RCSD1: variants seen among roughly 807,000 people sequenced by gnomAD.
The protein encoded by RCSD1 is capZ-interacting protein.
RCSD1 carries 26 observed loss-of-function variants against 42.5 expected under a neutral mutation model. That is an observed-to-expected ratio of 0.61 (90% CI 0.45 to 0.85). The LOEUF (loss-of-function observed/expected upper bound fraction) is 0.85, where lower values mean the gene tolerates loss of function less well. Among genes scored for constraint, RCSD1 ranks in the 40% least tolerant of loss-of-function variants. RCSD1 has a pLI of 0.00. For missense variants in RCSD1, 571 were observed against 528.3 expected, an observed-to-expected ratio of 1.08 and a Z score of -0.79; for synonymous variants, 220 against 212.2, an observed-to-expected ratio of 1.04 and a Z score of -0.32.
At chr1:167,681,716 T>C (rs897757632) in intron 1 of RCSD1, among the ~76,000 whole-genome samples, 1 of 152,192 alleles carries the variant, frequency 6.6e-6, no homozygotes, top group African/African-American at 2.4e-5. Flanking sequence ...CAAGCATAAA[T>C]AGCAGGGGAC....
intron 1 of RCSD1, among the ~76,000 whole-genome samples, chr1:167,638,051 T>C (rs1657905629): frequency 1.3e-5 from 2 of 152,178 alleles, no homozygotes; most frequent in African/African-American, 4.8e-5. Flanking sequence ...GCTTTGGGCC[T>C]CCTCTGAGCC....
chr1:167,680,999 T>C (rs75441376), intron 1 of RCSD1, among the ~76,000 whole-genome samples: 3,649 of 152,218 alleles, frequency 0.024, 159 homozygotes, highest in African/African-American at 0.084. Flanking sequence ...CTGAGCACAC[T>C]GGAGAGGGGT....
At chr1:167,678,600 C>A (rs1381292659) in intron 1 of RCSD1, among the ~76,000 whole-genome samples, 1 of 152,206 alleles carries the variant, frequency 6.6e-6, no homozygotes, top group East Asian at 1.9e-4. Context: ...GGACCGCTGC[C>A]AGCACCTGCC....
At chr1:167,633,870 G>C (rs986147045) in intron 1 of RCSD1, 1 of 152,196 alleles carries the variant, frequency 6.6e-6, no homozygotes, top group Non-Finnish European at 1.5e-5. Context: ...GAATGGAGAA[G>C]ATGGAAAAGA....
At chr1:167,643,490 G>C (rs1658057673) in intron 1 of RCSD1, among the ~76,000 whole-genome samples, 1 of 152,214 alleles carries the variant, frequency 6.6e-6, no homozygotes, top group South Asian at 2.1e-4. Context: ...TAAACTGTAA[G>C]CTCTGCAAAT....
chr1:167,642,306 G>GGAAAGCCGAGGGA (rs1658025518), intron 1 of RCSD1, among the ~76,000 whole-genome samples: 1 of 136,830 alleles, frequency 7.3e-6, no homozygotes, highest in Admixed American at 7.5e-5. Flanking sequence ...GACAAGAGGG[G>GGAAAGCCGAGGGA]GAAAGCCGAG....
chr1:167,674,869 G>T (rs1322837886), intron 1 of RCSD1, among the ~76,000 whole-genome samples: 2 of 152,072 alleles, frequency 1.3e-5, no homozygotes, highest in Admixed American at 6.6e-5. Flanking sequence ...TTCTCCATTT[G>T]TCAGTGAATG....
chr1:167,678,393 C>T (rs1353097232), intron 1 of RCSD1, among the ~76,000 whole-genome samples: 2 of 151,706 alleles, frequency 1.3e-5, no homozygotes, highest in African/African-American at 2.4e-5. Context: ...CCCACCCACC[C>T]CTCTCTCCCC....
rs1659797625 is a variant in RCSD1, at chr1:167,707,968, C to T, written c.*3272C>T. ...GCCTCGGTCTCCCAAAGTGGGATTA[C>T]AGGCATGAACCACCACGTCCAGCCA... On this transcript the variant is annotated 3_prime_UTR_variant, in exon 7 of 7. Transcript: ENST00000367854. Among the ~76,000 whole-genome samples, 1 of 152,214 alleles carries T rather than the reference C, an allele frequency of 6.6e-6. No individual in the cohort carries two copies. The highest frequency in any genetic ancestry group is 1.5e-5 in the Non-Finnish European group (1 of 68,048).
At chr1:167,635,525 A>T (rs1250105031) in intron 1 of RCSD1, among the ~76,000 whole-genome samples, 35 of 152,226 alleles carry the variant, frequency 2.3e-4, no homozygotes, top group Non-Finnish European at 7.3e-5. Flanking sequence ...GGCTCCTCAC[A>T]GCACTGCGAG....
intron 1 of RCSD1, among the ~76,000 whole-genome samples, chr1:167,670,493 C>T (rs899174453): frequency 6.6e-6 from 1 of 152,166 alleles, no homozygotes; most frequent in Non-Finnish European, 1.5e-5. Flanking sequence ...TGTGTAACCC[C>T]CTGAGGCATT....
At chr1:167,699,239 C>T (rs753806153) in intron 6 of RCSD1, among the ~76,000 whole-genome samples, 8 of 152,112 alleles carry the variant, frequency 5.3e-5, no homozygotes, top group Non-Finnish European at 8.8e-5. Flanking sequence ...GTATCAGGGT[C>T]GCCATAAAAA....
At chr1:167,675,100 G>A (rs963629095) in intron 1 of RCSD1, among the ~76,000 whole-genome samples, 33 of 151,472 alleles carry the variant, frequency 2.2e-4, no homozygotes, top group East Asian at 5.8e-4. Flanking sequence ...CAGCTACTTC[G>A]GAGGCTGAGG....
intron 1 of RCSD1, among the ~76,000 whole-genome samples, chr1:167,658,805 A>AT (rs111889818): frequency 5.3e-4 from 78 of 147,404 alleles, no homozygotes; most frequent in Middle Eastern, 6.9e-3. Flanking sequence ...TTTTTATGGT[A>AT]TTTTTTTTTT....
intron 1 of RCSD1, among the ~76,000 whole-genome samples, chr1:167,634,415 GT>G (rs1657780642): frequency 6.6e-6 from 1 of 151,696 alleles, no homozygotes; most frequent in South Asian, 2.1e-4. Context: ...AGATATGTTG[GT>G]TTTGATTGTT....
In RCSD1 at chr1:167,708,093, T is replaced by C. The variant is rs746757566; in HGVS notation, c.*3397T>C. On this transcript the variant is annotated 3_prime_UTR_variant, in exon 7 of 7. Coordinates refer to ENST00000367854, the MANE Select transcript of RCSD1 (RefSeq NM_052862.4). ...GAAAAAGTCCTGTAGAGGCTTTCCA[T>C]AGGCCCTGTGTGACTCACGTGTCTA... Among the ~76,000 whole-genome samples, 8 of 152,194 alleles carry C rather than the reference T, an allele frequency of 5.3e-5. No individual in the cohort carries two copies. The highest frequency in any genetic ancestry group is 1.0e-4 in the Non-Finnish European group (7 of 68,036).
intron 1 of RCSD1, among the ~76,000 whole-genome samples, chr1:167,655,245 G>T (rs1277277737): frequency 1.1e-4 from 17 of 152,168 alleles, no homozygotes; most frequent in Admixed American, 1.1e-3. Flanking sequence ...AAAGCGTCTG[G>T]TCCAGGCCCA....
At chr1:167,663,190 C>A (rs976746339) in intron 1 of RCSD1, among the ~76,000 whole-genome samples, 1 of 152,196 alleles carries the variant, frequency 6.6e-6, no homozygotes, top group African/African-American at 2.4e-5. Context: ...TAGTCCCACT[C>A]CCTAGACCAT....
At chr1:167,679,344 C>T (rs1659025217) in intron 1 of RCSD1, among the ~76,000 whole-genome samples, 1 of 152,210 alleles carries the variant, frequency 6.6e-6, no homozygotes, top group Non-Finnish European at 1.5e-5. Flanking sequence ...GGTAGATGAG[C>T]AGGTCAAATG....
Sources: gnomAD v4.1 joint callset for allele counts (sites outside exome capture counted in the v4.1 genomes callset) on GRCh38, gnomAD v4.1.1 for gene constraint, MANE v1.5 for transcripts, NCBI Gene and HGNC (gene_info 2026-07-23, HGNC 2026-07-21) for gene names.